UNC13C: variants seen among roughly 807,000 people sequenced by gnomAD.
UNC13C encodes protein unc-13 homolog C.
Under a neutral mutation model 245.4 loss-of-function variants are expected in UNC13C, and 174 were observed. The observed-to-expected ratio is 0.71, with a 90% confidence interval of 0.63 to 0.80. The LOEUF is 0.80. Ranked by LOEUF, UNC13C falls within the 30% of genes least tolerant of loss-of-function variation. The pLI is 0.00. For synonymous variants in UNC13C, 992 were observed against 895.1 expected (o/e 1.11, Z -1.93); for missense variants, 2,829 against 2,602.9 (o/e 1.09, Z -1.89).
chr15:54,457,521 G>A (rs1409189492), intron 19 of UNC13C, among the ~76,000 whole-genome samples: 1 of 151,624 alleles, frequency 6.6e-6, no homozygotes, highest in Non-Finnish European at 1.5e-5. Flanking sequence ...CTTTTTTTTG[G>A]CAATTTTTTT....
rs368197115 is a variant in UNC13C at position 54,552,861 on chromosome 15, A to T, written c.5878-2571A>T. On this transcript the variant is annotated intron_variant, in intron 28 of 32. Transcript: ENST00000260323. ...TATAGTACAATATATAATATATATT[A>T]ATATATAATATATATTGTATTCTAT... 2.9e-3 allele frequency among the ~76,000 whole-genome samples: 8 copies of T among 2,718 alleles called. 1 individual carries two copies. Among genetic ancestry groups the T allele is most frequent in the African/African-American group, 0.011 (3 of 262 alleles). The allele number at this position is 2,718 out of a possible 152,430, so 1.8% of individuals were successfully genotyped here. A position where few individuals can be genotyped will look rare whatever the true frequency, so the allele number is the denominator to read the frequency against.
chr15:54,344,562 G>C (rs2038815419), intron 17 of UNC13C, among the ~76,000 whole-genome samples: 1 of 152,080 alleles, frequency 6.6e-6, no homozygotes, highest in Admixed American at 6.6e-5. Context: ...GTTATTATTT[G>C]AAATTCTAAA....
At chr15:54,384,668 A>G (rs1203423619) in intron 17 of UNC13C, among the ~76,000 whole-genome samples, 1 of 152,146 alleles carries the variant, frequency 6.6e-6, no homozygotes, top group African/African-American at 2.4e-5. Context: ...TATTGAGACC[A>G]TAGTAAAGTT....
intron 4 of UNC13C, among the ~76,000 whole-genome samples, chr15:54,178,316 C>G (rs2033683949): frequency 6.6e-6 from 1 of 151,980 alleles, no homozygotes; most frequent in Non-Finnish European, 1.5e-5. Context: ...CTTTCTCTGC[C>G]CAATGCAGAA....
At chr15:53,873,847 A>G in the UNC13C span, among the ~76,000 whole-genome samples, 3 of 123,078 alleles carry the variant, frequency 2.4e-5, no homozygotes, top group Admixed American at 8.8e-5. Context: ...TACAACCAGC[A>G]TCTATCCCTC....
At chr15:54,321,145 G>A in intron 13 of UNC13C, 1 of 517,096 alleles carries the variant, frequency 1.9e-6, no homozygotes, top group Non-Finnish European at 3.8e-6. Context: ...CTCTGACAGG[G>A]CTTTTCTTAC....
chr15:53,939,828 A>T, the UNC13C span, among the ~76,000 whole-genome samples: 1 of 152,266 alleles, frequency 6.6e-6, no homozygotes, highest in East Asian at 1.9e-4. Flanking sequence ...AGAGAGAGAG[A>T]GAGAGACCCA....
At chr15:54,074,264 T>C (rs1002683204) in intron 2 of UNC13C, among the ~76,000 whole-genome samples, 2 of 152,222 alleles carry the variant, frequency 1.3e-5, no homozygotes, top group Non-Finnish European at 2.9e-5. Context: ...ACTACCATGC[T>C]GTTTTGGTTA....
intron 2 of UNC13C, among the ~76,000 whole-genome samples, chr15:54,046,211 A>G (rs1897029668): frequency 6.6e-6 from 1 of 152,194 alleles, no homozygotes; most frequent in Non-Finnish European, 1.5e-5. Flanking sequence ...TACCACAACA[A>G]TGAATAGCAC....
intron 30 of UNC13C, among the ~76,000 whole-genome samples, chr15:54,592,827 C>T (rs1302842674): frequency 6.7e-6 from 1 of 148,364 alleles, no homozygotes; most frequent in East Asian, 2.0e-4. Flanking sequence ...CTATTGCATT[C>T]ATCATGCTCG....
intron 31 of UNC13C, among the ~76,000 whole-genome samples, chr15:54,622,978 A>G (rs1421612625): frequency 3.3e-5 from 5 of 152,214 alleles, no homozygotes; most frequent in Non-Finnish European, 7.4e-5. Flanking sequence ...TTTCAGAATT[A>G]CATTACATAT....
Position 54,159,274 on chromosome 15 carries a change from G to A in UNC13C, c.3071+15590G>A, listed in dbSNP as rs999363625. Among the ~76,000 whole-genome samples, 10 of 152,284 alleles carry A rather than the reference G, an allele frequency of 6.6e-5. No homozygotes were observed. In the South Asian group the frequency reaches 8.3e-4, roughly 13 times the overall value. On this transcript the variant is annotated intron_variant, in intron 4 of 32. Transcript: ENST00000260323. Reference sequence around the variant, plus strand: ...AGTTTCACTAGCATTCAAATTCTTCGTAGACCGCAGACCAGGCAGAATGAA... The same window carrying A: ...AGTTTCACTAGCATTCAAATTCTTCATAGACCGCAGACCAGGCAGAATGAA...
At chr15:54,466,413 A>G (rs1190557466) in intron 19 of UNC13C, among the ~76,000 whole-genome samples, 1 of 151,982 alleles carries the variant, frequency 6.6e-6, no homozygotes, top group African/African-American at 2.4e-5. Flanking sequence ...CATAGTATGC[A>G]TGTATGAAAA....
intron 19 of UNC13C, among the ~76,000 whole-genome samples, chr15:54,473,972 T>A (rs1022294027): frequency 6.6e-6 from 1 of 151,968 alleles, no homozygotes; most frequent in African/African-American, 2.4e-5. Flanking sequence ...CGTGTGATAT[T>A]TGTCTTCTGT....
At chr15:54,445,933 A>G (rs1011783227) in intron 19 of UNC13C, among the ~76,000 whole-genome samples, 6 of 152,130 alleles carry the variant, frequency 3.9e-5, no homozygotes, top group African/African-American at 1.4e-4. Flanking sequence ...TAGGTCTAAC[A>G]TTTAAGTCTT....
chr15:54,529,919 T>G (rs906763991), intron 25 of UNC13C, among the ~76,000 whole-genome samples: 1 of 152,202 alleles, frequency 6.6e-6, no homozygotes, highest in Non-Finnish European at 1.5e-5. Context: ...GCAGACAATA[T>G]AGAGGAATGG....
chr15:54,419,047 A>G (rs546987077), intron 19 of UNC13C, among the ~76,000 whole-genome samples: 9 of 152,304 alleles, frequency 5.9e-5, no homozygotes, highest in South Asian at 2.1e-4. Context: ...TAATTAATCT[A>G]GAATCATGCT....
chr15:54,070,056 G>A (rs1341885235), intron 2 of UNC13C, among the ~76,000 whole-genome samples: 2 of 152,166 alleles, frequency 1.3e-5, no homozygotes, highest in African/African-American at 4.8e-5. Flanking sequence ...TGAAGCAAAG[G>A]AGCTGGTATT....
chr15:54,027,182 G>GAAA (rs201428032), intron 2 of UNC13C, among the ~76,000 whole-genome samples: 1 of 141,894 alleles, frequency 7.0e-6, no homozygotes, highest in Non-Finnish European at 1.5e-5. Context: ...GAAAAAAAAA[G>GAAA]AAAAAAAAAA....
Sources: allele counts gnomAD v4.1 joint callset (sites outside exome capture counted in the v4.1 genomes callset), GRCh38; gene constraint gnomAD v4.1.1; transcripts MANE v1.5; gene names NCBI Gene and HGNC (gene_info 2026-07-23, HGNC 2026-07-21).